The following ZMPSTE24 variants were observed in gnomAD, a reference collection of about 807,000 sequenced individuals.
ZMPSTE24 encodes the protein CAAX prenyl protease 1 homolog.
ZMPSTE24 carries 48 observed loss-of-function variants against 56.7 expected under a neutral mutation model. The ratio of observed to expected loss-of-function variants is 0.85; its 90% confidence interval spans 0.67 to 1.08. The LOEUF is 1.08. ZMPSTE24 is among the 50% of genes least tolerant of loss of function. ZMPSTE24 has a pLI of 0.00. For missense variants in ZMPSTE24, 503 were observed against 548.7 expected (o/e 0.92, Z 0.83); for synonymous variants, 172 against 195.2 (o/e 0.88, Z 0.99).
At chr1:40,263,290 G>A (rs911848700) in intron 2 of ZMPSTE24, among the ~76,000 whole-genome samples, 2 of 152,172 alleles carry the variant, frequency 1.3e-5, no homozygotes, top group African/African-American at 2.4e-5. Context: ...GTTAATAGTC[G>A]TCATGATTTT....
intron 6 of ZMPSTE24, among the ~76,000 whole-genome samples, chr1:40,280,850 ATATT>A (rs1333541414): frequency 6.6e-6 from 1 of 152,252 alleles, no homozygotes; most frequent in African/African-American, 2.4e-5. Context: ...TAACATAACC[ATATT>A]TATTTAAGAA....
chr1:40,278,430 C>T (rs935915781), intron 6 of ZMPSTE24, among the ~76,000 whole-genome samples: 3 of 150,438 alleles, frequency 2.0e-5, no homozygotes, highest in Non-Finnish European at 4.4e-5. Context: ...TGGTAGCGGG[C>T]GCCTGTAGTC....
rs376103589 is a variant in ZMPSTE24, at chr1:40,262,949, TTC to T, written c.270+1968_270+1969del. 1.0e-3 allele frequency: 1,063 copies of T among 1,023,240 alleles called. 4 individuals carry two copies. In the African/African-American group the frequency reaches 0.016, roughly 15 times the overall value. 63.4% of individuals were successfully genotyped at this position (1,023,240 alleles called of 1,614,324 possible). On this transcript the variant is annotated intron_variant, in intron 2 of 9. Transcript: ENST00000372759. ...TTTCTTCATCTCTGAAAAGTCTGAA[TTC>T]TCTGTTTAATAATGACAAGGCAATT...
intron 1 of ZMPSTE24, 138 bp from the exon 2 acceptor site, chr1:40,260,701 C>A: frequency 1.2e-6 from 1 of 801,138 alleles, no homozygotes; most frequent in South Asian, 1.7e-5. Flanking sequence ...TGTACTTGAT[C>A]AAGTGCAATA....
intron 8 of ZMPSTE24, chr1:40,290,589 T>C: frequency 8.7e-6 from 3 of 344,880 alleles, no homozygotes; most frequent in South Asian, 4.8e-5. Context: ...GCCTCCCGAG[T>C]AGCTGGGACT....
At chr1:40,263,699 C>T (rs1271402160) in intron 2 of ZMPSTE24, among the ~76,000 whole-genome samples, 1 of 148,814 alleles carries the variant, frequency 6.7e-6, no homozygotes, top group African/African-American at 2.5e-5. Context: ...ATGTTTTGGT[C>T]ACAGAGATCA....
chr1:40,285,341 G>A (rs1177329557), intron 7 of ZMPSTE24, among the ~76,000 whole-genome samples: 3 of 152,062 alleles, frequency 2.0e-5, no homozygotes, highest in Admixed American at 6.6e-5. Context: ...TCCTGACCTC[G>A]TGATCCACCC....
intron 8 of ZMPSTE24, among the ~76,000 whole-genome samples, chr1:40,288,068 C>G (rs1477242809): frequency 6.6e-6 from 1 of 152,086 alleles, no homozygotes; most frequent in African/African-American, 2.4e-5. Context: ...GTCCCAGCTA[C>G]TTGGGAGGCT....
intron 6 of ZMPSTE24, among the ~76,000 whole-genome samples, chr1:40,280,234 C>A (rs1643714076): frequency 6.6e-6 from 1 of 152,098 alleles, no homozygotes; most frequent in Non-Finnish European, 1.5e-5. Flanking sequence ...TCATTGTCAA[C>A]TTCCGATGGC....
intron 2 of ZMPSTE24, among the ~76,000 whole-genome samples, chr1:40,265,089 G>A (rs918637517): frequency 6.6e-6 from 1 of 151,936 alleles, no homozygotes; most frequent in African/African-American, 2.4e-5. Flanking sequence ...GTCCCCAAAA[G>A]GTTTGCAGTA....
chr1:40,259,869 G>A (rs746142114), intron 1 of ZMPSTE24, among the ~76,000 whole-genome samples: 1 of 152,000 alleles, frequency 6.6e-6, no homozygotes, highest in African/African-American at 2.4e-5. Flanking sequence ...AAAGGGCTGG[G>A]ATTACAGGCA....
Position 40,269,959 on chromosome 1 carries a change from T to C in ZMPSTE24, c.475-16T>C, listed in dbSNP as rs1189666356. 1 of 1,600,902 alleles carries C rather than the reference T, an allele frequency of 6.2e-7. No individual in the cohort carries two copies. Among genetic ancestry groups the C allele is most frequent in the Admixed American group, 1.8e-5 (1 of 56,696 alleles). On this transcript the variant is annotated splice_polypyrimidine_tract_variant and intron_variant, in intron 4 of 9. Transcript: ENST00000372759. ...CCAGTTTCTCAGTTTCTTGTGGTAATGTTTTCTTTTTGCAGACTTTGGGGT... is the reference window on the plus strand; with the variant it reads ...CCAGTTTCTCAGTTTCTTGTGGTAACGTTTTCTTTTTGCAGACTTTGGGGT...
At position 40,292,579 on chromosome 1, in the gene ZMPSTE24, T is replaced by C. The variant is rs370202496; in HGVS notation, c.1338T>C (p.Pro446=). The part of the protein sequence containing the change: ...IKLNKDNLGF[P]VSDWLFSMWH... Reference sequence around the variant, plus strand: ...TTAACAAAGATAACTTGGGATTCCCTGTTTCTGACTGGTTGTTCTCAATGT... The same window carrying C: ...TTAACAAAGATAACTTGGGATTCCCCGTTTCTGACTGGTTGTTCTCAATGT... Residue 446 remains proline (P), a synonymous_variant, in exon 10 of 10, where the codon CCT becomes CCC. Coordinates refer to ENST00000372759, the MANE Select transcript of ZMPSTE24 (RefSeq NM_005857.5). 84 of 1,614,174 alleles carry C rather than the reference T, an allele frequency of 5.2e-5. 2 individuals are homozygous for C. Among genetic ancestry groups the C allele is most frequent in the East Asian group, 2.7e-4 (12 of 44,872 alleles).
chr1:40,261,686 G>C (rs1315204003), intron 2 of ZMPSTE24, among the ~76,000 whole-genome samples: 2 of 151,804 alleles, frequency 1.3e-5, no homozygotes, highest in East Asian at 3.9e-4. Context: ...AATAATGTGG[G>C]GTTTTTTTGT....
At chr1:40,290,624 C>T (rs1236559153) in intron 8 of ZMPSTE24, 1 of 404,418 alleles carries the variant, frequency 2.5e-6, no homozygotes, top group East Asian at 5.6e-5. Context: ...CCACGTCCGG[C>T]TAATTTTTTC....
chr1:40,276,818 C>T (rs186156045), intron 6 of ZMPSTE24, among the ~76,000 whole-genome samples: 2 of 152,258 alleles, frequency 1.3e-5, no homozygotes, highest in East Asian at 1.9e-4. Flanking sequence ...ACCTATCTAG[C>T]GTGTTACTAT....
chr1:40,268,322 T>A, intron 3 of ZMPSTE24, 97 bp from the exon 4 acceptor site: 1 of 829,176 alleles, frequency 1.2e-6, no homozygotes, highest in Non-Finnish European at 2.1e-6. Flanking sequence ...ATCAAGCATA[T>A]TGCTTGGGAT....
rs772228683 is a variant in ZMPSTE24 at position 40,269,465 on chromosome 1, CATTT to C, written c.475-509_475-506del. Among the ~76,000 whole-genome samples, 3 of 152,076 alleles carry C rather than the reference CATTT, an allele frequency of 2.0e-5. No individual in the cohort carries two copies. The South Asian group carries it at 6.2e-4, about 32-fold the overall frequency. ...TATCTATTGTTTTTCAGCTACTAAT[CATTT>C]GTTTGTTTGCGACAGGGTCTCGTTC... On this transcript the variant is annotated intron_variant, in intron 4 of 9. Transcript: ENST00000372759.
chr1:40,275,986 C>G (rs1643667501), intron 6 of ZMPSTE24, among the ~76,000 whole-genome samples: 1 of 152,132 alleles, frequency 6.6e-6, no homozygotes, highest in Non-Finnish European at 1.5e-5. Flanking sequence ...AATTAGCTAA[C>G]TATTCAGAAT....
Sources: gnomAD v4.1 joint callset for allele counts (sites outside exome capture counted in the v4.1 genomes callset) on GRCh38, gnomAD v4.1.1 for gene constraint, MANE v1.5 for transcripts, NCBI Gene and HGNC (gene_info 2026-07-23, HGNC 2026-07-21) for gene names.